Variants in ERBB4 observed in about 807,000 individuals in gnomAD.
ERBB4 encodes the protein erb-b2 receptor tyrosine kinase 4, also known as receptor tyrosine-protein kinase erbB-4.
In ERBB4, 42 loss-of-function variants were observed where a neutral mutation model predicts 158.0. The observed-to-expected ratio is 0.27, with a 90% CI of 0.21 to 0.34. ERBB4 has a LOEUF of 0.34. Ranked by LOEUF, ERBB4 falls within the 10% of genes least tolerant of loss-of-function variation. ERBB4 has a pLI of 1.00. For missense variants in ERBB4, 1,333 were observed against 1,624.1 expected, an observed-to-expected ratio of 0.82 and a Z score of 3.08; for synonymous variants, 583 against 558.7, an observed-to-expected ratio of 1.04 and a Z score of -0.61.
chr2:212,306,192 A>G (rs1257840328), intron 1 of ERBB4, among the ~76,000 whole-genome samples: 1 of 151,472 alleles, frequency 6.6e-6, no homozygotes, highest in Admixed American at 6.6e-5. Flanking sequence ...CATATAAAGA[A>G]GTAAAAACTC....
intron 1 of ERBB4, among the ~76,000 whole-genome samples, chr2:212,322,089 T>C (rs2087592880): frequency 6.6e-6 from 1 of 150,526 alleles, no homozygotes; most frequent in South Asian, 2.1e-4. Flanking sequence ...TATATAACTC[T>C]GAACTTTGAA....
At chr2:212,093,532 G>A (rs145268502) in intron 2 of ERBB4, among the ~76,000 whole-genome samples, 2,653 of 152,132 alleles carry the variant, frequency 0.017, 40 homozygotes, top group Admixed American at 0.035. Context: ...TGATGAGGAG[G>A]ATAACAGCAA....
intron 2 of ERBB4, among the ~76,000 whole-genome samples, chr2:212,021,389 C>G (rs376289354): frequency 6.6e-6 from 1 of 152,036 alleles, no homozygotes; most frequent in Admixed American, 6.6e-5. Context: ...ACCAATGGAA[C>G]AGAATAGAGA....
chr2:211,887,293 A>C (rs574771105), intron 3 of ERBB4, among the ~76,000 whole-genome samples: 54 of 146,584 alleles, frequency 3.7e-4, no homozygotes, highest in Admixed American at 7.4e-4. Context: ...TGAGAGAAAC[A>C]ACAGGAAAAA....
intron 16 of ERBB4, among the ~76,000 whole-genome samples, chr2:211,645,598 A>G (rs2070756898): frequency 6.6e-6 from 1 of 151,684 alleles, no homozygotes. Context: ...GATTAATGGC[A>G]TCATAAATGA....
intron 1 of ERBB4, among the ~76,000 whole-genome samples, chr2:212,228,101 C>G (rs552921764): frequency 6.6e-6 from 1 of 152,112 alleles, no homozygotes; most frequent in Non-Finnish European, 1.5e-5. Flanking sequence ...TCCTTTTCAC[C>G]TCCCCCTCCT....
chr2:211,768,202 C>G (rs112715095), intron 4 of ERBB4, among the ~76,000 whole-genome samples: 1 of 152,194 alleles, frequency 6.6e-6, no homozygotes, highest in Non-Finnish European at 1.5e-5. Context: ...ATCCAGGTCA[C>G]GTTGATGCAA....
At chr2:211,874,898 A>AT (rs1266465476) in intron 3 of ERBB4, among the ~76,000 whole-genome samples, 1 of 152,122 alleles carries the variant, frequency 6.6e-6, no homozygotes, top group Non-Finnish European at 1.5e-5. Context: ...GCTAAAATAT[A>AT]TCAAATTGCC....
At chr2:212,103,566 C>T (rs1335094447) in intron 2 of ERBB4, among the ~76,000 whole-genome samples, 2 of 152,032 alleles carry the variant, frequency 1.3e-5, no homozygotes, top group African/African-American at 2.4e-5. Flanking sequence ...TTTGACCAAC[C>T]TGTTTCCCTC....
chr2:211,674,510 A>G (rs962444579), intron 13 of ERBB4, among the ~76,000 whole-genome samples: 1 of 152,138 alleles, frequency 6.6e-6, no homozygotes, highest in Non-Finnish European at 1.5e-5. Context: ...TGAAATGCAC[A>G]TATATTGAGT....
intron 20 of ERBB4, among the ~76,000 whole-genome samples, chr2:211,449,440 T>A (rs1166975798): frequency 2.0e-5 from 3 of 152,202 alleles, no homozygotes; most frequent in Admixed American, 6.5e-5. Flanking sequence ...CATTATAATA[T>A]AACCATAAAT....
At chr2:211,965,993 C>A (rs960721267) in intron 2 of ERBB4, among the ~76,000 whole-genome samples, 1 of 152,138 alleles carries the variant, frequency 6.6e-6, no homozygotes, top group African/African-American at 2.4e-5. Context: ...AGGAGGCTTG[C>A]TTCAGGCCAT....
At chr2:212,479,375 A>AT (rs1453780761) in intron 1 of ERBB4, among the ~76,000 whole-genome samples, 1 of 152,124 alleles carries the variant, frequency 6.6e-6, no homozygotes, top group Non-Finnish European at 1.5e-5. Flanking sequence ...CTTGTAAACC[A>AT]TGAAGGATAC....
At chr2:212,031,017 G>C (rs370519593) in intron 2 of ERBB4, among the ~76,000 whole-genome samples, 1 of 151,900 alleles carries the variant, frequency 6.6e-6, no homozygotes, top group Non-Finnish European at 1.5e-5. Flanking sequence ...TCCAACATCC[G>C]TCTTCTGCCT....
chr2:212,206,326 G>A (rs1048976489), intron 1 of ERBB4, among the ~76,000 whole-genome samples: 6 of 152,078 alleles, frequency 3.9e-5, no homozygotes, highest in African/African-American at 1.4e-4. Flanking sequence ...CAAATCCTAG[G>A]ATTGCCCTTC....
In ERBB4 at chr2:211,628,721, T is replaced by G. The variant is rs367833976; in HGVS notation, c.2079+1741A>C. ...GGCTGGATCAAATGGTATTTCTAGT[T>G]CCAGATCGCTGAGGAATCACCACAC... On this transcript the variant is annotated intron_variant, in intron 17 of 27. Coordinates refer to ENST00000342788, the MANE Select transcript of ERBB4 (RefSeq NM_005235.3). Among the ~76,000 whole-genome samples the G allele has an allele frequency of 6.6e-5, 10 of 152,312 alleles. No individual in the cohort carries two copies. The East Asian group carries it at 1.7e-3, about 26-fold the overall frequency.
intron 20 of ERBB4, among the ~76,000 whole-genome samples, chr2:211,558,588 T>G (rs374967495): frequency 1.3e-5 from 2 of 152,314 alleles, no homozygotes; most frequent in East Asian, 3.9e-4. Flanking sequence ...TTTATTACAT[T>G]CTTTTTGCAC....
At chr2:212,043,147 C>A (rs897137317) in intron 2 of ERBB4, among the ~76,000 whole-genome samples, 3 of 152,056 alleles carry the variant, frequency 2.0e-5, no homozygotes, top group Admixed American at 2.0e-4. Flanking sequence ...AACAAGTTAC[C>A]TTTGACACGA....
chr2:211,569,368 G>A (rs1238926764), intron 19 of ERBB4, among the ~76,000 whole-genome samples: 1 of 151,952 alleles, frequency 6.6e-6, no homozygotes, highest in African/African-American at 2.4e-5. Context: ...AATGTTTATT[G>A]AGAACTTGCT....
Sources: allele counts gnomAD v4.1 joint callset (sites outside exome capture counted in the v4.1 genomes callset), GRCh38; gene constraint gnomAD v4.1.1; transcripts MANE v1.5; gene names NCBI Gene and HGNC (gene_info 2026-07-23, HGNC 2026-07-21).